Variants in ZMAT4 observed in about 807,000 individuals in gnomAD.
The protein encoded by ZMAT4 is zinc finger matrin-type 4.
In ZMAT4, 17 loss-of-function variants were observed where a neutral mutation model predicts 28.7. The observed-to-expected ratio is 0.59, with a 90% CI of 0.41 to 0.89. The LOEUF is 0.89. Among genes scored for constraint, ZMAT4 ranks in the 40% least tolerant of loss-of-function variants. The pLI is 0.00. For missense variants in ZMAT4, 240 were observed against 283.8 expected (o/e 0.85, Z 1.11); for synonymous variants, 117 against 109.2 (o/e 1.07, Z -0.44).
chr8:40,724,322 A>T (rs143025882), intron 3 of ZMAT4, among the ~76,000 whole-genome samples: 1 of 152,318 alleles, frequency 6.6e-6, no homozygotes, highest in Non-Finnish European at 1.5e-5. Context: ...CCAAAGTCAC[A>T]TAGGAAGTCC....
At chr8:40,741,770 C>T (rs1326937717) in intron 3 of ZMAT4, among the ~76,000 whole-genome samples, 1 of 151,980 alleles carries the variant, frequency 6.6e-6, no homozygotes, top group Non-Finnish European at 1.5e-5. Flanking sequence ...TAGGTAAGTT[C>T]CTGTACCAGT....
At chr8:40,853,322 C>A (rs569903524) in intron 1 of ZMAT4, among the ~76,000 whole-genome samples, 1 of 152,062 alleles carries the variant, frequency 6.6e-6, no homozygotes, top group Non-Finnish European at 1.5e-5. Flanking sequence ...TTTGGGAGGC[C>A]GAGCCAGGTG....
At chr8:40,819,839 T>C (rs1321686495) in intron 2 of ZMAT4, among the ~76,000 whole-genome samples, 3 of 152,018 alleles carry the variant, frequency 2.0e-5, no homozygotes, top group Non-Finnish European at 4.4e-5. Context: ...CCTTTATTAA[T>C]ATATATGTGT....
chr8:40,707,306 A>G (rs1003716997), intron 3 of ZMAT4, among the ~76,000 whole-genome samples: 4 of 148,522 alleles, frequency 2.7e-5, no homozygotes, highest in Non-Finnish European at 4.4e-5. Flanking sequence ...AAAAGGTGTC[A>G]TCTCTAACCC....
intron 5 of ZMAT4, among the ~76,000 whole-genome samples, chr8:40,641,538 G>T (rs1807025627): frequency 1.3e-5 from 2 of 152,072 alleles, no homozygotes; most frequent in Admixed American, 6.6e-5. Flanking sequence ...ATTGAAGTAG[G>T]ATTGGCATAC....
rs61137558 is a variant in ZMAT4, at chr8:40,896,062, A to ACC, written c.-5+1619_-5+1620dup. Among the ~76,000 whole-genome samples, 298 of 150,496 alleles carry ACC rather than the reference A, an allele frequency of 2.0e-3. 2 individuals are homozygous for ACC. Among genetic ancestry groups the ACC allele is most frequent in the African/African-American group, 6.2e-3 (252 of 40,938 alleles). On this transcript the variant is annotated intron_variant, in intron 1 of 6. Coordinates refer to ENST00000297737, the MANE Select transcript of ZMAT4 (RefSeq NM_024645.3). ...AAGAGAACGCTGATGGTATTTTGAC[A>ACC]CCCCCCCCAAAAAAAAAGTGGGCAG...
intron 4 of ZMAT4, among the ~76,000 whole-genome samples, chr8:40,685,116 C>T (rs555939491): frequency 9.4e-6 from 1 of 106,836 alleles, no homozygotes; most frequent in East Asian, 3.7e-4. Flanking sequence ...ATCTCAACTG[C>T]CATTTGGGAA....
intron 1 of ZMAT4, among the ~76,000 whole-genome samples, chr8:40,891,552 G>A (rs1818688622): frequency 6.6e-6 from 1 of 152,056 alleles, no homozygotes; most frequent in African/African-American, 2.4e-5. Context: ...GGCGTTCCCT[G>A]GGCCCTCTGC....
intron 6 of ZMAT4, among the ~76,000 whole-genome samples, chr8:40,551,944 A>G (rs1803381301): frequency 6.6e-6 from 1 of 152,186 alleles, no homozygotes; most frequent in Non-Finnish European, 1.5e-5. Context: ...CTTCCCATAC[A>G]GCGTGTGTGA....
rs541127362 is a variant in ZMAT4 at position 40,723,458 on chromosome 8, G to A, written c.193-26057C>T. 1.0e-4 allele frequency among the ~76,000 whole-genome samples: 14 copies of A among 134,844 alleles called. 1 individual carries two copies. In the Admixed American group the frequency reaches 1.2e-3, roughly 12 times the overall value. The allele number at this position is 134,844 out of a possible 152,430, so 88.5% of individuals were successfully genotyped here. ...CTGGGGAAGCTGAGGCAGGAGAATC[G>A]CTTAAACCCCAGAAACAGAGGTTGC... On this transcript the variant is annotated intron_variant, in intron 3 of 6. Coordinates refer to ENST00000297737, the MANE Select transcript of ZMAT4 (RefSeq NM_024645.3).
At chr8:40,552,546 C>T (rs145050915) in intron 6 of ZMAT4, among the ~76,000 whole-genome samples, 8 of 152,282 alleles carry the variant, frequency 5.3e-5, no homozygotes, top group Admixed American at 5.2e-4. Flanking sequence ...TGAACTCCTA[C>T]TTGTGCCAGG....
At chr8:40,606,825 A>G (rs2118639607) in intron 5 of ZMAT4, among the ~76,000 whole-genome samples, 1 of 152,262 alleles carries the variant, frequency 6.6e-6, no homozygotes, top group African/African-American at 2.4e-5. Context: ...TCTCTTCTTC[A>G]TAGGGAACAC....
At chr8:40,708,868 C>T (rs181431248) in intron 3 of ZMAT4, among the ~76,000 whole-genome samples, 7 of 151,790 alleles carry the variant, frequency 4.6e-5, no homozygotes, top group African/African-American at 1.4e-4. Context: ...AGGCTAGTCT[C>T]GAGCCCTCAA....
At chr8:40,846,255 GATCC>G (rs1816894499) in intron 1 of ZMAT4, among the ~76,000 whole-genome samples, 1 of 152,026 alleles carries the variant, frequency 6.6e-6, no homozygotes, top group Non-Finnish European at 1.5e-5. Flanking sequence ...CTCTCTCCCT[GATCC>G]ATGATCCATT....
chr8:40,797,395 G>A (rs148697466), intron 2 of ZMAT4, among the ~76,000 whole-genome samples: 3 of 152,304 alleles, frequency 2.0e-5, no homozygotes, highest in Non-Finnish European at 4.4e-5. Context: ...CCTGCGTGCT[G>A]GGCCCCAGGC....
chr8:40,890,470 C>T (rs748520254), intron 1 of ZMAT4, among the ~76,000 whole-genome samples: 4 of 152,112 alleles, frequency 2.6e-5, no homozygotes, highest in African/African-American at 4.8e-5. Context: ...AAAGTATCGG[C>T]TTCTGATGCT....
intron 5 of ZMAT4, among the ~76,000 whole-genome samples, chr8:40,613,184 T>TTTTC (rs1805868550): frequency 1.4e-4 from 2 of 13,814 alleles, no homozygotes; most frequent in South Asian, 4.0e-3. Flanking sequence ...TTCTTTCTTT[T>TTTTC]TTTTTTTTTT....
intron 3 of ZMAT4, among the ~76,000 whole-genome samples, chr8:40,719,686 C>G (rs1811000176): frequency 6.6e-6 from 1 of 152,144 alleles, no homozygotes; most frequent in Non-Finnish European, 1.5e-5. Context: ...TCTCGTGCCT[C>G]AGGCTACAGA....
At chr8:40,595,002 C>T (rs1018188829) in intron 5 of ZMAT4, among the ~76,000 whole-genome samples, 6 of 152,130 alleles carry the variant, frequency 3.9e-5, no homozygotes, top group African/African-American at 1.4e-4. Flanking sequence ...ATTTTCCCTG[C>T]TTTGTTCTTA....
Sources: allele counts gnomAD v4.1 joint callset (sites outside exome capture counted in the v4.1 genomes callset), GRCh38; gene constraint gnomAD v4.1.1; transcripts MANE v1.5; gene names NCBI Gene and HGNC (gene_info 2026-07-23, HGNC 2026-07-21).